Variants in ADAMTS3 observed in about 807,000 individuals in gnomAD.
ADAMTS3 encodes the protein ADAM metallopeptidase with thrombospondin type 1 motif 3.
Under a neutral mutation model 129.0 loss-of-function variants are expected in ADAMTS3, and 73 were observed. That is an observed-to-expected ratio of 0.57 (90% CI 0.47 to 0.69). The LOEUF is 0.69. Ranked by LOEUF, ADAMTS3 falls within the 30% of genes least tolerant of loss-of-function variation. ADAMTS3 has a pLI of 0.00. For synonymous variants in ADAMTS3, 477 were observed against 510.8 expected, an observed-to-expected ratio of 0.93 and a Z score of 0.89; for missense variants, 1,457 against 1,514.5, an observed-to-expected ratio of 0.96 and a Z score of 0.63.
intron 3 of ADAMTS3, among the ~76,000 whole-genome samples, chr4:72,530,060 T>TATAATATATTATA (rs1491421036): frequency 0.21 from 184 of 890 alleles, 76 homozygotes; most frequent in African/African-American, 0.57. Context: ...ATATATAATA[T>TATAATATATTATA]GTTATATATA....
chr4:72,397,643 G>A (rs1288253044), intron 4 of ADAMTS3, among the ~76,000 whole-genome samples: 1 of 152,146 alleles, frequency 6.6e-6, no homozygotes, highest in African/African-American at 2.4e-5. Flanking sequence ...GACAGGAAAA[G>A]GGGAGAGGAA....
chr4:72,339,018 G>GA (rs1720059889), intron 5 of ADAMTS3, among the ~76,000 whole-genome samples: 2 of 152,090 alleles, frequency 1.3e-5, no homozygotes, highest in Non-Finnish European at 2.9e-5. Context: ...TTATAATGTT[G>GA]AAAAAAATCA....
intron 6 of ADAMTS3, 106 bp from the exon 7 acceptor site, chr4:72,320,976 T>C (rs1344382545): frequency 1.7e-6 from 2 of 1,182,240 alleles, no homozygotes; most frequent in Non-Finnish European, 2.4e-6. Context: ...TAAACAATGA[T>C]TCAATAATAT....
chr4:72,529,898 TATATAA>T (rs1247991502), intron 3 of ADAMTS3, among the ~76,000 whole-genome samples: 1 of 64,990 alleles, frequency 1.5e-5, no homozygotes, highest in Non-Finnish European at 2.6e-5. Context: ...TTATATATTA[TATATAA>T]ATAATATATA....
At chr4:72,537,217 C>A (rs993403847) in intron 3 of ADAMTS3, among the ~76,000 whole-genome samples, 1 of 152,200 alleles carries the variant, frequency 6.6e-6, no homozygotes, top group Non-Finnish European at 1.5e-5. Flanking sequence ...ATAAAACCTG[C>A]AGGAGCAAAT....
chr4:72,564,993 A>G (rs1024132306), intron 2 of ADAMTS3, among the ~76,000 whole-genome samples: 18 of 152,190 alleles, frequency 1.2e-4, no homozygotes, highest in African/African-American at 4.1e-4. Flanking sequence ...TGAGGGACGT[A>G]CAGGGATTCC....
At chr4:72,466,179 AG>A (rs1229011718) in intron 3 of ADAMTS3, among the ~76,000 whole-genome samples, 1 of 152,042 alleles carries the variant, frequency 6.6e-6, no homozygotes, top group Non-Finnish European at 1.5e-5. Flanking sequence ...CTGGGGAGAA[AG>A]CATCTCAGGA....
chr4:72,316,732 T>A (rs1371292798), intron 10 of ADAMTS3, among the ~76,000 whole-genome samples: 3 of 151,620 alleles, frequency 2.0e-5, no homozygotes, highest in African/African-American at 7.3e-5. Context: ...ATACTTATAA[T>A]TAATTGACTA....
intron 3 of ADAMTS3, among the ~76,000 whole-genome samples, chr4:72,473,572 G>A (rs1038243496): frequency 4.7e-5 from 7 of 149,946 alleles, no homozygotes; most frequent in African/African-American, 1.5e-4. Context: ...AAAAAAACAC[G>A]GTCCTACTAC....
chr4:72,422,962 C>T (rs1020559969), intron 3 of ADAMTS3, among the ~76,000 whole-genome samples: 3 of 152,024 alleles, frequency 2.0e-5, no homozygotes, highest in African/African-American at 7.2e-5. Flanking sequence ...GTGTTTAAGA[C>T]AAAAATTAGT....
chr4:72,353,365 T>C (rs1310498430), intron 4 of ADAMTS3, among the ~76,000 whole-genome samples: 1 of 152,026 alleles, frequency 6.6e-6, no homozygotes. Flanking sequence ...TGAACTCATA[T>C]GAGATTTGGA....
chr4:72,390,896 A>T (rs1235392625), intron 4 of ADAMTS3, among the ~76,000 whole-genome samples: 3 of 87,940 alleles, frequency 3.4e-5, no homozygotes, highest in Admixed American at 1.0e-4. Context: ...AAAAAATTAA[A>T]AAAAAAAAAA....
At chr4:72,300,767 A>G (rs924908680) in intron 17 of ADAMTS3, among the ~76,000 whole-genome samples, 1 of 152,126 alleles carries the variant, frequency 6.6e-6, no homozygotes, top group Non-Finnish European at 1.5e-5. Context: ...TCAGTGCCAT[A>G]TTGTGAGGAT....
chr4:72,330,946 CTG>C (rs1334695263), intron 5 of ADAMTS3, among the ~76,000 whole-genome samples: 14 of 152,114 alleles, frequency 9.2e-5, no homozygotes, highest in African/African-American at 2.9e-4. Context: ...TAAACTTTTT[CTG>C]TGTTTTACAA....
chr4:72,462,215 C>T (rs1021976032), intron 3 of ADAMTS3, among the ~76,000 whole-genome samples: 1 of 151,854 alleles, frequency 6.6e-6, no homozygotes, highest in Non-Finnish European at 1.5e-5. Context: ...GACATTTGAG[C>T]AGAAGCCTCA....
At position 72,288,831 on chromosome 4, in the gene ADAMTS3, T is replaced by A; in HGVS notation, c.2969A>T (p.Gln990Leu). The A allele has an allele frequency of 6.2e-7, 1 of 1,613,654 alleles. No homozygotes were observed. Among genetic ancestry groups the A allele is most frequent in the South Asian group, 1.1e-5 (1 of 91,050 alleles). Residue 990 changes from glutamine (Q) to leucine (L), a missense_variant, in exon 21 of 22, where the codon CAG becomes CTG. Physicochemically the swap from Gln to Leu is moderately radical, Grantham distance 113 (BLOSUM62 -2). Coordinates refer to ENST00000286657, the MANE Select transcript of ADAMTS3 (RefSeq NM_014243.3). ...GTGGTCCCCAGCCCTGCAGAGGACC[T>A]GCCTCACCTCCGTTCCTTCACCGCA... is the stretch of plus-strand genomic sequence containing the variant. ...VTCGEGTEVR[Q>L]VLCRAGDHCD...
chr4:72,396,564 A>G (rs931942100), intron 4 of ADAMTS3, among the ~76,000 whole-genome samples: 4 of 152,166 alleles, frequency 2.6e-5, no homozygotes, highest in Non-Finnish European at 5.9e-5. Flanking sequence ...TATTTACAGA[A>G]AGAACAAGCA....
chr4:72,473,706 C>T (rs1010998791), intron 3 of ADAMTS3, among the ~76,000 whole-genome samples: 3 of 152,148 alleles, frequency 2.0e-5, no homozygotes, highest in African/African-American at 7.2e-5. Flanking sequence ...CTTTCATTCC[C>T]ACCAGTTGGT....
chr4:72,411,095 A>C (rs1722173776), intron 4 of ADAMTS3, among the ~76,000 whole-genome samples: 1 of 152,172 alleles, frequency 6.6e-6, no homozygotes, highest in African/African-American at 2.4e-5. Context: ...ACTTAAAAAA[A>C]CATATTTTTA....
Sources: gnomAD v4.1 joint callset for allele counts (sites outside exome capture counted in the v4.1 genomes callset) on GRCh38, gnomAD v4.1.1 for gene constraint, MANE v1.5 for transcripts, NCBI Gene and HGNC (gene_info 2026-07-23, HGNC 2026-07-21) for gene names.